ATG2B: variants seen among roughly 807,000 people sequenced by gnomAD.
The protein encoded by ATG2B is autophagy related 2B, also known as autophagy-related protein 2 homolog B.
A neutral mutation model predicts 241.3 loss-of-function variants in ATG2B; 121 were observed. That is an observed-to-expected ratio of 0.50 (90% CI 0.43 to 0.58). The LOEUF is 0.58. Ranked by LOEUF, ATG2B falls within the 20% of genes least tolerant of loss-of-function variation. The pLI is 0.00. For synonymous variants in ATG2B, 858 were observed against 876.6 expected, an observed-to-expected ratio of 0.98 and a Z score of 0.37; for missense variants, 2,306 against 2,491.6, an observed-to-expected ratio of 0.93 and a Z score of 1.59.
chr14:96,308,341 G>A (rs1438232756), intron 29 of ATG2B, among the ~76,000 whole-genome samples: 79 of 135,236 alleles, frequency 5.8e-4, no homozygotes, highest in African/African-American at 2.1e-3. Context: ...CTGGAGTGCA[G>A]TGGCACAATC....
chr14:96,303,320 C>A, intron 32 of ATG2B, 65 bp from the exon 33 acceptor site: 1 of 1,307,258 alleles, frequency 7.6e-7, no homozygotes, highest in South Asian at 1.9e-5. Flanking sequence ...ATTGTATTTT[C>A]TCTTTAAAAT....
chr14:96,351,363 A>C (rs982222365), intron 1 of ATG2B, among the ~76,000 whole-genome samples: 7 of 152,164 alleles, frequency 4.6e-5, no homozygotes, highest in African/African-American at 1.7e-4. Flanking sequence ...GCAATTTTGG[A>C]GACTGAGGCA....
intron 1 of ATG2B, among the ~76,000 whole-genome samples, chr14:96,362,226 A>C (rs921552577): frequency 3.3e-5 from 5 of 152,156 alleles, no homozygotes; most frequent in African/African-American, 1.2e-4. Flanking sequence ...GGGCCAGACG[A>C]CCATTCACAG....
At chr14:96,324,607 G>A (rs1235136824) in intron 15 of ATG2B, among the ~76,000 whole-genome samples, 1 of 152,138 alleles carries the variant, frequency 6.6e-6, no homozygotes, top group Non-Finnish European at 1.5e-5. Context: ...AGATTGCAGT[G>A]AGCCAAGATC....
At chr14:96,352,854 G>A (rs1479583008) in intron 1 of ATG2B, among the ~76,000 whole-genome samples, 5 of 151,670 alleles carry the variant, frequency 3.3e-5, no homozygotes, top group South Asian at 2.1e-4. Flanking sequence ...TATTCTAGCC[G>A]AAGTGTACAG....
chr14:96,279,698 G>A lies in ATG2B; in HGVS notation c.*6057C>T, dbSNP rs1170299610. 2 of 152,276 alleles carry A rather than the reference G, an allele frequency of 1.3e-5. No individual in the cohort carries two copies. The highest frequency in any genetic ancestry group is 1.3e-4 in the Admixed American group (2 of 15,282). 9.4% of individuals were successfully genotyped at this position (152,276 alleles called of 1,614,324 possible). ...AGATCCCGACAGAGCATCCGAGTTG[G>A]GGCGGCCATAGCGCGTTCTTGCCCC... On this transcript the variant is annotated 3_prime_UTR_variant, in exon 42 of 42. Transcript: ENST00000359933.
Position 96,289,182 on chromosome 14 carries a change from T to C in ATG2B, c.6006+474A>G, listed in dbSNP as rs914410014. Among the ~76,000 whole-genome samples, 2 of 152,186 alleles carry C rather than the reference T, an allele frequency of 1.3e-5. No homozygotes were observed. Among genetic ancestry groups the C allele is most frequent in the Non-Finnish European group, 2.9e-5 (2 of 68,032 alleles). ...CATTAACACTAGTATGTTTTGCTTA[T>C]AAATACATACTAAATAAAAATACAT... On this transcript the variant is annotated intron_variant, in intron 41 of 41. Transcript: ENST00000359933. The surrounding 1 kb of genome is among the most constrained non-coding windows in gnomAD (Gnocchi z 4.3).
At chr14:96,341,982 T>C (rs1888048664) in intron 5 of ATG2B, among the ~76,000 whole-genome samples, 2 of 152,158 alleles carry the variant, frequency 1.3e-5, no homozygotes, top group South Asian at 4.1e-4. Context: ...ATGGGCACTG[T>C]ATAATTAAGA....
chr14:96,327,326 A>C (rs950607970), intron 14 of ATG2B, among the ~76,000 whole-genome samples: 1 of 152,134 alleles, frequency 6.6e-6, no homozygotes, highest in African/African-American at 2.4e-5. Context: ...TAGAAAAATA[A>C]AATATCTTTT....
chr14:96,280,867 A>G lies in ATG2B; in HGVS notation c.*4888T>C, dbSNP rs1383768052. On this transcript the variant is annotated 3_prime_UTR_variant, in exon 42 of 42. Transcript: ENST00000359933. Reference sequence around the variant, plus strand: ...ATTGTACTCCAGCCTGGGCAACAAGAGCAAAGCTCCGTCTGAAAAAATAAA... The same window carrying G: ...ATTGTACTCCAGCCTGGGCAACAAGGGCAAAGCTCCGTCTGAAAAAATAAA... 1 of 152,244 alleles carries G rather than the reference A, an allele frequency of 6.6e-6. No individual in the cohort carries two copies. The highest frequency in any genetic ancestry group is 1.5e-5 in the Non-Finnish European group (1 of 68,058). The allele number at this position is 152,244 out of a possible 1,614,324, so 9.4% of individuals were successfully genotyped here.
intron 29 of ATG2B, 66 bp from the exon 30 acceptor site, chr14:96,306,982 ATG>A: frequency 7.6e-7 from 1 of 1,320,982 alleles, no homozygotes; most frequent in Non-Finnish European, 1.1e-6. Context: ...CATTTTAACC[ATG>A]TGTCAGATAT....
In ATG2B at chr14:96,285,449, G is replaced by C. The variant is rs563164460; in HGVS notation, c.*306C>G. On this transcript the variant is annotated 3_prime_UTR_variant, in exon 42 of 42. Coordinates refer to ENST00000359933, the MANE Select transcript of ATG2B (RefSeq NM_018036.7). The surrounding 1 kb of genome is among the most constrained non-coding windows in gnomAD (Gnocchi z 4.2). ...AAAGTGTTAGAAGGCAGCTTCCAATGATCTCTCGTCGGTAACAAGGAGAAT... is the reference window on the plus strand; with the variant it reads ...AAAGTGTTAGAAGGCAGCTTCCAATCATCTCTCGTCGGTAACAAGGAGAAT... 3.1e-6 allele frequency: 1 copy of C among 324,696 alleles called. No homozygotes were observed. The highest frequency in any genetic ancestry group is 6.3e-5 in the East Asian group (1 of 15,842). The allele number at this position is 324,696 out of a possible 1,614,324, so 20.1% of individuals were successfully genotyped here.
Position 96,283,881 on chromosome 14 carries a change from A to G in ATG2B, c.*1874T>C, listed in dbSNP as rs914537950. The G allele has an allele frequency of 7.2e-5, 11 of 152,218 alleles. No homozygotes were observed. Among genetic ancestry groups the G allele is most frequent in the Non-Finnish European group, 1.3e-4 (9 of 68,030 alleles). 9.4% of individuals were successfully genotyped at this position (152,218 alleles called of 1,614,324 possible). A position where few individuals can be genotyped will look rare whatever the true frequency, so the allele number is the denominator to read the frequency against. On this transcript the variant is annotated 3_prime_UTR_variant, in exon 42 of 42. Transcript: ENST00000359933. The stretch of plus-strand genomic sequence containing the variant: ...GGGTAGAACAAAGAAAGAACCGCGG[A>G]GATTACATTACAAAGATATATGTTT...
At chr14:96,320,196 G>A (rs895522571) in intron 18 of ATG2B, among the ~76,000 whole-genome samples, 10 of 152,134 alleles carry the variant, frequency 6.6e-5, no homozygotes, top group African/African-American at 2.4e-4. Flanking sequence ...GCTGTTGGTG[G>A]ACATCTCTCT....
At chr14:96,308,268 A>G (rs12883607) in intron 29 of ATG2B, among the ~76,000 whole-genome samples, 13 of 15,342 alleles carry the variant, frequency 8.5e-4, no homozygotes, top group East Asian at 4.2e-3. Context: ...ATATATATAT[A>G]TATATATATA....
intron 1 of ATG2B, among the ~76,000 whole-genome samples, chr14:96,352,728 CAA>C (rs1888362776): frequency 1.3e-5 from 2 of 151,290 alleles, no homozygotes; most frequent in African/African-American, 4.9e-5. Flanking sequence ...ACAAAAGAAA[CAA>C]AAAGTTCAAA....
chr14:96,309,422 C>T, intron 29 of ATG2B, 31 bp downstream of exon 29: 7 of 1,585,924 alleles, frequency 4.4e-6, no homozygotes, highest in Non-Finnish European at 6.0e-6. Context: ...ACATTAACAT[C>T]AGTGCTCCCT....
intron 32 of ATG2B, among the ~76,000 whole-genome samples, chr14:96,304,045 T>G (rs1257575196): frequency 6.6e-6 from 1 of 152,224 alleles, no homozygotes; most frequent in Non-Finnish European, 1.5e-5. Context: ...ATTAAATGCG[T>G]GTGATGCCAT....
intron 17 of ATG2B, 26 bp downstream of exon 17, chr14:96,322,503 ATAGTATTATTC>A: frequency 6.4e-7 from 1 of 1,563,840 alleles, no homozygotes; most frequent in Non-Finnish European, 8.6e-7. Flanking sequence ...ACAGAGAATA[ATAGTATTATTC>A]CTTTGTAGCT....
Sources: allele counts gnomAD v4.1 joint callset (sites outside exome capture counted in the v4.1 genomes callset), GRCh38; gene constraint gnomAD v4.1.1; non-coding constraint Gnocchi (gnomAD v3.1); transcripts MANE v1.5; gene names NCBI Gene and HGNC (gene_info 2026-07-23, HGNC 2026-07-21).